Variants in SMARCD3 observed in about 807,000 individuals in gnomAD.
SMARCD3 encodes SWI/SNF related BAF chromatin remodeling complex subunit D3.
Under a neutral mutation model 58.0 loss-of-function variants are expected in SMARCD3, and 14 were observed. The ratio of observed to expected loss-of-function variants is 0.24; its 90% confidence interval spans 0.16 to 0.38. The LOEUF is 0.38. SMARCD3 is among the 10% of genes least tolerant of loss of function. The pLI is 1.00. For synonymous variants in SMARCD3, 253 were observed against 253.8 expected, an observed-to-expected ratio of 1.00 and a Z score of 0.03; for missense variants, 408 against 636.9, an observed-to-expected ratio of 0.64 and a Z score of 3.87.
intron 2 of SMARCD3, among the ~76,000 whole-genome samples, chr7:151,255,286 A>C (rs1468522283): frequency 2.6e-5 from 4 of 152,104 alleles, no homozygotes; most frequent in Non-Finnish European, 5.9e-5. Context: ...CATTTCCAAC[A>C]TGCTCCACCT....
intron 2 of SMARCD3, among the ~76,000 whole-genome samples, chr7:151,253,715 C>T (rs560872888): frequency 1.7e-4 from 26 of 152,302 alleles, no homozygotes; most frequent in East Asian, 7.8e-4. Flanking sequence ...CCCATAAAAA[C>T]GTGCCACACA....
chr7:151,276,760 G>C, upstream of SMARCD3: 1 of 140,868 alleles, frequency 7.1e-6, no homozygotes, highest in South Asian at 2.4e-4. Flanking sequence ...TGCCAGGTAG[G>C]GAGGAGGGGA....
In SMARCD3 at chr7:151,242,397, C is replaced by T; in HGVS notation, c.579+84G>A. ...CACCCAGCCTGGGCTGACTCCCTAG[C>T]CCTTAGTGCAGACACCTTGTTCTGT... On this transcript the variant is annotated intron_variant, in intron 5 of 12. Coordinates refer to ENST00000262188, the MANE Select transcript of SMARCD3 (RefSeq NM_001003801.2). This position sits in a 1 kb window ranked among gnomAD's most constrained non-coding sequence, Gnocchi z 4.7. 6.4e-7 allele frequency: 1 copy of T among 1,568,678 alleles called. No individual in the cohort carries two copies. The highest frequency in any genetic ancestry group is 8.7e-7 in the Non-Finnish European group (1 of 1,146,796).
intron 2 of SMARCD3, among the ~76,000 whole-genome samples, chr7:151,262,352 G>A (rs1365827615): frequency 6.6e-6 from 1 of 152,234 alleles, no homozygotes; most frequent in Non-Finnish European, 1.5e-5. Flanking sequence ...AGAGTGTTGG[G>A]ATTACAGGCG....
chr7:151,239,006 C>A lies in SMARCD3; in HGVS notation c.*97G>T. On this transcript the variant is annotated 3_prime_UTR_variant, in exon 13 of 13. Transcript: ENST00000262188. The surrounding 1 kb of genome is among the most constrained non-coding windows in gnomAD (Gnocchi z 7.0). ...GAATGACTTTTAATCCAGCCCCACA[C>A]CCCAAGGTGGCAGAGGAGTGATGCT... 1 of 1,300,566 alleles carries A rather than the reference C, an allele frequency of 7.7e-7. No homozygotes were observed. The highest frequency in any genetic ancestry group is 1.2e-5 in the South Asian group (1 of 84,548). The allele number at this position is 1,300,566 out of a possible 1,614,324, so 80.6% of individuals were successfully genotyped here.
At position 151,239,762 on chromosome 7, in the gene SMARCD3, T is replaced by A; in HGVS notation, c.1174-16A>T. ...TCTCATGGATCTGCAGGTAGAAAGATAGATGCTTTCCACCTGGCTTTGGTG... is the reference window on the plus strand; with the variant it reads ...TCTCATGGATCTGCAGGTAGAAAGAAAGATGCTTTCCACCTGGCTTTGGTG... On this transcript the variant is annotated splice_polypyrimidine_tract_variant and intron_variant, in intron 10 of 12. Transcript: ENST00000262188. The surrounding 1 kb of genome is among the most constrained non-coding windows in gnomAD (Gnocchi z 7.0). The A allele has an allele frequency of 6.2e-7, 1 of 1,613,212 alleles. No individual in the cohort carries two copies. Among genetic ancestry groups the A allele is most frequent in the Non-Finnish European group, 8.5e-7 (1 of 1,179,740 alleles).
Position 151,243,542 on chromosome 7 carries a change from T to C in SMARCD3, c.333+117A>G, listed in dbSNP as rs1344279346. ...CGGAGCCTCACTTATTAATGAGCTT[T>C]TTTAAACAAAAAGTGAAAGTGACTG... On this transcript the variant is annotated intron_variant, in intron 3 of 12. Transcript: ENST00000262188. This position sits in a 1 kb window ranked among gnomAD's most constrained non-coding sequence, Gnocchi z 4.4. 1 of 720,906 alleles carries C rather than the reference T, an allele frequency of 1.4e-6. No homozygotes were observed. Among genetic ancestry groups the C allele is most frequent in the Non-Finnish European group, 2.5e-6 (1 of 401,306 alleles). The allele number at this position is 720,906 out of a possible 1,614,324, so 44.7% of individuals were successfully genotyped here.
chr7:151,242,406 C>T lies in SMARCD3; in HGVS notation c.579+75G>A, dbSNP rs1584867090. 6.3e-7 allele frequency: 1 copy of T among 1,584,168 alleles called. No individual in the cohort carries two copies. Among genetic ancestry groups the T allele is most frequent in the Non-Finnish European group, 8.6e-7 (1 of 1,160,060 alleles). On this transcript the variant is annotated intron_variant, in intron 5 of 12. Coordinates refer to ENST00000262188, the MANE Select transcript of SMARCD3 (RefSeq NM_001003801.2). The surrounding 1 kb of genome is among the most constrained non-coding windows in gnomAD (Gnocchi z 4.7). ...TGGGCTGACTCCCTAGCCCTTAGTG[C>T]AGACACCTTGTTCTGTTCTCAGTGC...
At chr7:151,260,066 G>C (rs902369688) in intron 2 of SMARCD3, among the ~76,000 whole-genome samples, 4 of 152,172 alleles carry the variant, frequency 2.6e-5, no homozygotes, top group Non-Finnish European at 5.9e-5. Flanking sequence ...TGAAAATGAG[G>C]CTCTAAGAAG....
At chr7:151,250,400 CTGCCATAGGTCA>C (rs1284263550), upstream of SMARCD3, among the ~76,000 whole-genome samples, 1 of 151,958 alleles carries the variant, frequency 6.6e-6, no homozygotes, top group Non-Finnish European at 1.5e-5. Context: ...CTGCCTCTGT[CTGCCATAGGTCA>C]TGCTGCTGGG....
Position 151,248,372 on chromosome 7 carries a change from C to T in SMARCD3, c.78+113G>A, listed in dbSNP as rs1803377153. The T allele has an allele frequency of 4.4e-6, 4 of 908,464 alleles. No homozygotes were observed. The highest frequency in any genetic ancestry group is 3.1e-5 in the South Asian group (2 of 64,272). The allele number at this position is 908,464 out of a possible 1,614,324, so 56.3% of individuals were successfully genotyped here. On this transcript the variant is annotated intron_variant, in intron 1 of 12. Transcript: ENST00000262188. The surrounding 1 kb of genome is among the most constrained non-coding windows in gnomAD (Gnocchi z 6.1). Reference sequence around the variant, plus strand: ...GCGGCCGGGCCGTGGGCCATGACGCCCCCCACTAGAGGGGTGGGAGAGCGG... The same window carrying T: ...GCGGCCGGGCCGTGGGCCATGACGCTCCCCACTAGAGGGGTGGGAGAGCGG...
At chr7:151,253,821 G>A (rs1323555744) in intron 2 of SMARCD3, among the ~76,000 whole-genome samples, 1 of 39,764 alleles carries the variant, frequency 2.5e-5, no homozygotes, top group Non-Finnish European at 4.6e-5. Context: ...CCACCTTCCA[G>A]GGTGTGGCTC....
upstream of SMARCD3, among the ~76,000 whole-genome samples, chr7:151,252,667 G>C (rs1803565815): frequency 6.6e-6 from 1 of 152,136 alleles, no homozygotes. Flanking sequence ...CCCAGCTCCA[G>C]AGAGGGAGGA....
intron 2 of SMARCD3, among the ~76,000 whole-genome samples, chr7:151,254,693 C>T (rs1012476603): frequency 6.6e-6 from 1 of 152,212 alleles, no homozygotes; most frequent in African/African-American, 2.4e-5. Flanking sequence ...ATTCTCCTCT[C>T]TGTCTTTTGC....
chr7:151,268,554 T>C (rs1795065933), intron 2 of SMARCD3, among the ~76,000 whole-genome samples: 1 of 152,064 alleles, frequency 6.6e-6, no homozygotes, highest in Admixed American at 6.6e-5. Flanking sequence ...GGGGTGGCTG[T>C]CTTGTCTCTG....
chr7:151,241,392 A>C lies in SMARCD3; in HGVS notation c.939+100T>G. ...CTGTGTACTGCTTCTGCTACTCAGG[A>C]ATCTAGAAGGGAGGGGTGGTAGTTA... On this transcript the variant is annotated intron_variant, in intron 8 of 12. Coordinates refer to ENST00000262188, the MANE Select transcript of SMARCD3 (RefSeq NM_001003801.2). This position sits in a 1 kb window ranked among gnomAD's most constrained non-coding sequence, Gnocchi z 5.3. 1.0e-6 allele frequency: 1 copy of C among 999,460 alleles called. No individual in the cohort carries two copies. The highest frequency in any genetic ancestry group is 1.5e-6 in the Non-Finnish European group (1 of 645,306). The allele number at this position is 999,460 out of a possible 1,614,324, so 61.9% of individuals were successfully genotyped here.
At position 151,240,500 on chromosome 7, in the gene SMARCD3, T is replaced by G. The variant is rs1481414265; in HGVS notation, c.962A>C (p.Lys321Thr). 6.2e-7 allele frequency: 1 copy of G among 1,613,488 alleles called. No individual in the cohort carries two copies. The highest frequency in any genetic ancestry group is 8.5e-7 in the Non-Finnish European group (1 of 1,179,910). ...FQQIFDCPRL[K>T]FSEIPQRLTA... ...GAGGCGCTGGGGAATCTCAGAAAAC[T>G]TCAGCCGGGGACAATCAAAAATCTG... The change falls in exon 9 of 13, where the codon AAG becomes ACG. Residue 321 changes from lysine to threonine, a missense_variant. Around this residue, in one of 4 missense-constraint regions of SMARCD3, gnomAD observed 115 missense variants for 257.2 expected, o/e 0.45. Coordinates refer to ENST00000262188, the MANE Select transcript of SMARCD3 (RefSeq NM_001003801.2).
Position 151,239,278 on chromosome 7 carries a change from T to G in SMARCD3, c.1398+118A>C. On this transcript the variant is annotated intron_variant, in intron 12 of 12. Coordinates refer to ENST00000262188, the MANE Select transcript of SMARCD3 (RefSeq NM_001003801.2). This position sits in a 1 kb window ranked among gnomAD's most constrained non-coding sequence, Gnocchi z 7.0. ...GGGAGCAGGGAGGGCCATTGCATGG[T>G]GAGGCAGCGTGGTGAAGCTTTACTG... is the stretch of plus-strand genomic sequence containing the variant. 5 of 1,318,410 alleles carry G rather than the reference T, an allele frequency of 3.8e-6. No individual in the cohort carries two copies. Among genetic ancestry groups the G allele is most frequent in the Non-Finnish European group, 5.5e-6 (5 of 912,840 alleles). 81.7% of individuals were successfully genotyped at this position (1,318,410 alleles called of 1,614,324 possible). A position where few individuals can be genotyped will look rare whatever the true frequency, so the allele number is the denominator to read the frequency against.
intron 2 of SMARCD3, among the ~76,000 whole-genome samples, chr7:151,244,722 A>G (rs1803171485): frequency 6.6e-6 from 1 of 152,222 alleles, no homozygotes; most frequent in Non-Finnish European, 1.5e-5. Context: ...AAAAAATAAT[A>G]ATGAGGTAAA....
Sources: allele counts gnomAD v4.1 joint callset (sites outside exome capture counted in the v4.1 genomes callset), GRCh38; gene constraint gnomAD v4.1.1; regional missense constraint gnomAD v4.1.1; non-coding constraint Gnocchi (gnomAD v3.1); transcripts MANE v1.5; gene names NCBI Gene and HGNC (gene_info 2026-07-23, HGNC 2026-07-21).